Variants in GNA14 observed in about 807,000 individuals in gnomAD.
The protein encoded by GNA14 is G protein subunit alpha 14.
A neutral mutation model predicts 42.0 loss-of-function variants in GNA14; 50 were observed. The observed-to-expected ratio is 1.19, with a 90% CI of 0.95 to 1.51. The LOEUF (loss-of-function observed/expected upper bound fraction) is 1.51, where lower values mean the gene tolerates loss of function less well. Ranked by LOEUF, GNA14 falls within the 40% of genes most tolerant of loss-of-function variation. The pLI is 0.00. For synonymous variants in GNA14, 173 were observed against 163.1 expected, an observed-to-expected ratio of 1.06 and a Z score of -0.46; for missense variants, 473 against 446.2, an observed-to-expected ratio of 1.06 and a Z score of -0.54.
chr9:77,425,560 AC>A lies in GNA14; in HGVS notation c.877+1del. ...AACACTGTCCACAAGATAGACACTT[AC>A]CTGTGTATTCTGGGAAATAGCTAAT... On this transcript the variant is annotated splice_donor_variant, in intron 6 of 6. Coordinates refer to ENST00000341700, the MANE Select transcript of GNA14 (RefSeq NM_004297.4). LOFTEE classifies it high-confidence loss of function. 1 of 1,596,520 alleles carries A rather than the reference AC, an allele frequency of 6.3e-7. No individual in the cohort carries two copies. Among genetic ancestry groups the A allele is most frequent in the Non-Finnish European group, 8.6e-7 (1 of 1,168,818 alleles).
At chr9:77,525,113 T>C (rs1837414684) in intron 2 of GNA14, among the ~76,000 whole-genome samples, 1 of 152,236 alleles carries the variant, frequency 6.6e-6, no homozygotes, top group Admixed American at 6.5e-5. Flanking sequence ...ATACATTCTG[T>C]ACGTAGAGTT....
At chr9:77,512,851 T>G (rs540414890) in intron 2 of GNA14, among the ~76,000 whole-genome samples, 1 of 152,340 alleles carries the variant, frequency 6.6e-6, no homozygotes, top group South Asian at 2.1e-4. Context: ...CTGGCACTGG[T>G]TCGAAGGTCA....
intron 2 of GNA14, among the ~76,000 whole-genome samples, chr9:77,458,265 G>A (rs1005371330): frequency 1.3e-5 from 2 of 150,340 alleles, no homozygotes; most frequent in African/African-American, 4.9e-5. Flanking sequence ...TTCTCTGCAG[G>A]TGAAACCAGG....
At chr9:77,610,515 A>C (rs1587847277) in intron 1 of GNA14, among the ~76,000 whole-genome samples, 1 of 152,272 alleles carries the variant, frequency 6.6e-6, no homozygotes, top group African/African-American at 2.4e-5. Context: ...CCTCATCTCC[A>C]TGACTTCATC....
rs574000465 is a variant in GNA14, at chr9:77,587,447, T to C, written c.125-58194A>G. Among the ~76,000 whole-genome samples the C allele has an allele frequency of 5.6e-4, 86 of 152,330 alleles. 1 individual carries two copies. The highest frequency in any genetic ancestry group is 1.9e-3 in the African/African-American group (79 of 41,574). ...AGCTAAAGTTATTGTGGTATTTATA[T>C]ACAATGGAATATTATTCAGCCATAA... is the stretch of plus-strand genomic sequence containing the variant. On this transcript the variant is annotated intron_variant, in intron 1 of 6. Transcript: ENST00000341700.
chr9:77,489,701 G>A (rs1054587012), intron 2 of GNA14, among the ~76,000 whole-genome samples: 2 of 152,218 alleles, frequency 1.3e-5, no homozygotes, highest in African/African-American at 4.8e-5. Context: ...TTCGCGGTGA[G>A]TGTTACAGCT....
At chr9:77,481,986 G>A (rs1164883660) in intron 2 of GNA14, among the ~76,000 whole-genome samples, 2 of 152,178 alleles carry the variant, frequency 1.3e-5, no homozygotes, top group African/African-American at 4.8e-5. Flanking sequence ...ACACTGATGG[G>A]TCTTGACTCT....
intron 2 of GNA14, among the ~76,000 whole-genome samples, chr9:77,484,217 G>A (rs1368967868): frequency 1.3e-5 from 2 of 152,202 alleles, no homozygotes; most frequent in Non-Finnish European, 2.9e-5. Flanking sequence ...GTAGGAGGAT[G>A]AAGAGCTTAA....
At chr9:77,528,340 T>A (rs1473611182) in intron 2 of GNA14, among the ~76,000 whole-genome samples, 1 of 152,146 alleles carries the variant, frequency 6.6e-6, no homozygotes, top group Non-Finnish European at 1.5e-5. Flanking sequence ...TTAAATAAAC[T>A]CTTATTTCTA....
chr9:77,525,647 T>G (rs1837422145), intron 2 of GNA14, among the ~76,000 whole-genome samples: 1 of 151,410 alleles, frequency 6.6e-6, no homozygotes, highest in African/African-American at 2.4e-5. Context: ...CACGCCATTC[T>G]CCTACCTCAG....
intron 1 of GNA14, among the ~76,000 whole-genome samples, chr9:77,642,331 T>G (rs530677613): frequency 1.3e-5 from 2 of 152,312 alleles, no homozygotes; most frequent in South Asian, 4.1e-4. Flanking sequence ...CTAGTGAGAT[T>G]GGTTTGCTCC....
At chr9:77,547,525 C>T (rs917327099) in intron 1 of GNA14, among the ~76,000 whole-genome samples, 30 of 152,232 alleles carry the variant, frequency 2.0e-4, no homozygotes, top group African/African-American at 7.0e-4. Flanking sequence ...CAATCTGCAG[C>T]TTCCTTTCAT....
intron 1 of GNA14, among the ~76,000 whole-genome samples, chr9:77,623,299 A>C (rs1157140668): frequency 1.3e-5 from 2 of 150,996 alleles, no homozygotes; most frequent in Non-Finnish European, 3.0e-5. Flanking sequence ...AACTGGAATA[A>C]AAAAAATAAG....
At chr9:77,581,409 T>G (rs1013405903) in intron 1 of GNA14, among the ~76,000 whole-genome samples, 1 of 152,206 alleles carries the variant, frequency 6.6e-6, no homozygotes, top group Non-Finnish European at 1.5e-5. Flanking sequence ...GGTTTCCTCA[T>G]ATGTAAAATG....
chr9:77,524,797 TA>T (rs571974108), intron 2 of GNA14, among the ~76,000 whole-genome samples: 2 of 151,698 alleles, frequency 1.3e-5, no homozygotes, highest in Non-Finnish European at 2.9e-5. Flanking sequence ...AAACAAGTAA[TA>T]AAAAAAATGA....
At chr9:77,457,100 C>A (rs1183703328) in intron 2 of GNA14, among the ~76,000 whole-genome samples, 2 of 152,220 alleles carry the variant, frequency 1.3e-5, no homozygotes, top group East Asian at 1.9e-4. Flanking sequence ...CTAACACTTA[C>A]AAAGTTTCAG....
At chr9:77,642,230 ATTCAT>A (rs915065917) in intron 1 of GNA14, among the ~76,000 whole-genome samples, 4 of 152,198 alleles carry the variant, frequency 2.6e-5, no homozygotes, top group Admixed American at 6.5e-5. Context: ...AAGGTTCTGT[ATTCAT>A]TTAAGGGTAG....
At chr9:77,485,113 T>C (rs1836634082) in intron 2 of GNA14, among the ~76,000 whole-genome samples, 1 of 152,236 alleles carries the variant, frequency 6.6e-6, no homozygotes, top group South Asian at 2.1e-4. Flanking sequence ...CATGTGATGC[T>C]GTTTGATAGC....
intron 1 of GNA14, among the ~76,000 whole-genome samples, chr9:77,632,006 G>A (rs925490284): frequency 6.6e-6 from 1 of 152,160 alleles, no homozygotes. Flanking sequence ...CAGGGCTCAG[G>A]AGCAGGCAGG....
Sources: gnomAD v4.1 joint callset for allele counts (sites outside exome capture counted in the v4.1 genomes callset) on GRCh38, gnomAD v4.1.1 for gene constraint, MANE v1.5 for transcripts, NCBI Gene and HGNC (gene_info 2026-07-23, HGNC 2026-07-21) for gene names.